Variants in NKAIN3 observed in about 807,000 individuals in gnomAD.
NKAIN3 encodes sodium/potassium-transporting ATPase subunit beta-1-interacting protein 3.
A neutral mutation model predicts 30.2 loss-of-function variants in NKAIN3; 25 were observed. That is an observed-to-expected ratio of 0.83 (90% confidence interval 0.60 to 1.16). NKAIN3 has a LOEUF of 1.16. Ranked by LOEUF, NKAIN3 falls within the 50% of genes most tolerant of loss-of-function variation. NKAIN3 has a pLI of 0.00. For missense variants in NKAIN3, 225 were observed against 254.1 expected (o/e 0.89, Z 0.78); for synonymous variants, 91 against 89.6 (o/e 1.02, Z -0.09).
At chr8:62,745,292 G>A (rs1014696901) in intron 3 of NKAIN3, among the ~76,000 whole-genome samples, 2 of 152,184 alleles carry the variant, frequency 1.3e-5, no homozygotes, top group African/African-American at 4.8e-5. Flanking sequence ...CATAGTCTGC[G>A]GGCAGCCTCT....
chr8:62,635,467 G>A (rs1812098383), intron 3 of NKAIN3, among the ~76,000 whole-genome samples: 1 of 152,190 alleles, frequency 6.6e-6, no homozygotes, highest in African/African-American at 2.4e-5. Context: ...TGCACAGCAT[G>A]CCTGAATGGA....
At chr8:62,749,698 T>TTC (rs1816210773) in intron 4 of NKAIN3, among the ~76,000 whole-genome samples, 1 of 145,356 alleles carries the variant, frequency 6.9e-6, no homozygotes, top group South Asian at 2.1e-4. Flanking sequence ...TTTTTTTTTT[T>TTC]TAAGACGGAG....
At chr8:62,396,016 G>A (rs1193754575) in intron 1 of NKAIN3, among the ~76,000 whole-genome samples, 1 of 152,086 alleles carries the variant, frequency 6.6e-6, no homozygotes, top group Non-Finnish European at 1.5e-5. Flanking sequence ...ATAGAAATGT[G>A]GCAATTTATT....
chr8:62,929,181 C>G (rs1014944849), intron 5 of NKAIN3, among the ~76,000 whole-genome samples: 4 of 152,192 alleles, frequency 2.6e-5, no homozygotes, highest in African/African-American at 4.8e-5. Context: ...GAAGCAGCTT[C>G]ATACCAAATG....
At chr8:62,867,626 CCA>C (rs1452129065) in intron 4 of NKAIN3, among the ~76,000 whole-genome samples, 1 of 152,174 alleles carries the variant, frequency 6.6e-6, no homozygotes, top group Non-Finnish European at 1.5e-5. Flanking sequence ...AAGGCTGTGA[CCA>C]CACAGTCAAC....
At chr8:62,888,546 C>G (rs1350056) in intron 4 of NKAIN3, among the ~76,000 whole-genome samples, 46,105 of 152,062 alleles carry the variant, frequency 0.3, 7,771 homozygotes, top group East Asian at 0.64. Context: ...ATTTTGGGAG[C>G]AGTGGTTTGC....
chr8:62,996,263 A>G (rs1804109931), intron 5 of NKAIN3, among the ~76,000 whole-genome samples: 1 of 152,202 alleles, frequency 6.6e-6, no homozygotes, highest in South Asian at 2.1e-4. Context: ...CACGGCTTAC[A>G]TGGTGGCAGG....
chr8:62,709,501 T>C (rs1297035332), intron 3 of NKAIN3, among the ~76,000 whole-genome samples: 1 of 152,196 alleles, frequency 6.6e-6, no homozygotes, highest in East Asian at 1.9e-4. Context: ...TTCTAGTTTA[T>C]GTGTGTAAAG....
At chr8:62,251,850 A>G (rs1812115460) in intron 1 of NKAIN3, among the ~76,000 whole-genome samples, 1 of 152,218 alleles carries the variant, frequency 6.6e-6, no homozygotes, top group Non-Finnish European at 1.5e-5. Context: ...TCATATACAT[A>G]AGATAGGCCT....
chr8:62,908,523 C>CAT (rs3040404), intron 4 of NKAIN3, among the ~76,000 whole-genome samples: 103,164 of 151,848 alleles, frequency 0.68, 35,979 homozygotes, highest in East Asian at 0.9. Flanking sequence ...ATAATTCCCA[C>CAT]GTCATGGGAG....
intron 4 of NKAIN3, among the ~76,000 whole-genome samples, chr8:62,846,184 A>G (rs1040853445): frequency 4.6e-5 from 7 of 152,204 alleles, no homozygotes; most frequent in African/African-American, 1.2e-4. Context: ...TTTTCAGTCC[A>G]GTAAATGATG....
chr8:62,699,805 A>T (rs1486763171), intron 3 of NKAIN3, among the ~76,000 whole-genome samples: 1 of 152,230 alleles, frequency 6.6e-6, no homozygotes, highest in East Asian at 1.9e-4. Context: ...ATGCAGAATG[A>T]AAAAATAAGT....
At chr8:62,466,326 C>G (rs2129599776) in intron 1 of NKAIN3, among the ~76,000 whole-genome samples, 1 of 152,162 alleles carries the variant, frequency 6.6e-6, no homozygotes, top group East Asian at 1.9e-4. Flanking sequence ...TTCCAATGAC[C>G]AATTTTTCTC....
chr8:62,864,261 G>A, intron 4 of NKAIN3: 3 of 1,007,106 alleles, frequency 3.0e-6, no homozygotes, highest in Non-Finnish European at 4.5e-6. Flanking sequence ...GGCCGAGGCA[G>A]ACGGCAAAGG....
chr8:62,449,034 T>C (rs1309226715), intron 1 of NKAIN3, among the ~76,000 whole-genome samples: 1 of 151,990 alleles, frequency 6.6e-6, no homozygotes, highest in Non-Finnish European at 1.5e-5. Flanking sequence ...AACTCAAAGA[T>C]TTACTATGAG....
At chr8:62,320,294 A>C (rs1467475479) in intron 1 of NKAIN3, among the ~76,000 whole-genome samples, 1 of 152,154 alleles carries the variant, frequency 6.6e-6, no homozygotes, top group African/African-American at 2.4e-5. Flanking sequence ...CCAATTTGCC[A>C]GTCTGTGTCA....
chr8:62,417,886 G>A (rs1468353460), intron 1 of NKAIN3, among the ~76,000 whole-genome samples: 1 of 152,030 alleles, frequency 6.6e-6, no homozygotes, highest in African/African-American at 2.4e-5. Context: ...TTGTCAGATG[G>A]GTAATTTGCA....
intron 1 of NKAIN3, among the ~76,000 whole-genome samples, chr8:62,570,334 T>C (rs1362559912): frequency 6.6e-6 from 1 of 152,232 alleles, no homozygotes; most frequent in Non-Finnish European, 1.5e-5. Flanking sequence ...TGAACAATTA[T>C]GAAGAATGCC....
rs549480172 is a variant in NKAIN3 at position 62,917,876 on chromosome 8, C to T, written c.472-577C>T. On this transcript the variant is annotated intron_variant, in intron 4 of 6. Coordinates refer to ENST00000623646, the MANE Select transcript of NKAIN3 (RefSeq NM_001304533.3). ...ATTTATTCTCTGAATTACTAGTATC[C>T]AAAGTACAAATCATCTCTTCTGTTT... Among the ~76,000 whole-genome samples the T allele has an allele frequency of 4.6e-5, 7 of 152,252 alleles. No individual in the cohort carries two copies. The South Asian group carries it at 1.5e-3, about 32-fold the overall frequency.
Sources: allele counts gnomAD v4.1 joint callset (sites outside exome capture counted in the v4.1 genomes callset), GRCh38; gene constraint gnomAD v4.1.1; transcripts MANE v1.5; gene names NCBI Gene and HGNC (gene_info 2026-07-23, HGNC 2026-07-21).